Variants in SLC16A1 observed in about 807,000 individuals in gnomAD.
SLC16A1 encodes solute carrier family 16 member 1, also known as monocarboxylate transporter 1.
Under a neutral mutation model 32.2 loss-of-function variants are expected in SLC16A1, and 11 were observed. The observed-to-expected ratio is 0.34, with a 90% CI of 0.21 to 0.56. The LOEUF (loss-of-function observed/expected upper bound fraction) is 0.56. SLC16A1 is among the 20% of genes least tolerant of loss of function. SLC16A1 has a pLI of 0.87. For synonymous variants in SLC16A1, 231 were observed against 226.8 expected (o/e 1.02, Z -0.17); for missense variants, 435 against 615.0 (o/e 0.71, Z 3.10).
chr1:112,930,345 C>G (rs1649086928), intron 1 of SLC16A1, among the ~76,000 whole-genome samples: 1 of 152,036 alleles, frequency 6.6e-6, no homozygotes, highest in African/African-American at 2.4e-5. Flanking sequence ...AACCCCCACA[C>G]TTCTGGTTAC....
chr1:112,949,098 C>T (rs1282043991), intron 1 of SLC16A1, among the ~76,000 whole-genome samples: 2 of 151,908 alleles, frequency 1.3e-5, no homozygotes, highest in Non-Finnish European at 2.9e-5. Flanking sequence ...CCTTGTGATC[C>T]GCCTGCCTCG....
intron 4 of SLC16A1, 21 bp from the exon 5 acceptor site, chr1:112,914,186 A>T: frequency 6.2e-7 from 1 of 1,613,560 alleles, no homozygotes; most frequent in South Asian, 1.1e-5. Flanking sequence ...AAAACAACAC[A>T]AACAGTTGTT....
At chr1:112,935,273 G>A (rs934293998) in intron 1 of SLC16A1, among the ~76,000 whole-genome samples, 3 of 152,068 alleles carry the variant, frequency 2.0e-5, no homozygotes, top group Non-Finnish European at 4.4e-5. Flanking sequence ...AAATTAGCCA[G>A]GCATGGTGGC....
intron 1 of SLC16A1, among the ~76,000 whole-genome samples, chr1:112,929,926 T>C (rs1429410970): frequency 6.6e-6 from 1 of 152,186 alleles, no homozygotes; most frequent in Non-Finnish European, 1.5e-5. Flanking sequence ...GCAGGGAGGA[T>C]AGCATACCCC....
intron 1 of SLC16A1, among the ~76,000 whole-genome samples, chr1:112,944,994 CTTT>C (rs151186476): frequency 1.1e-4 from 14 of 123,264 alleles, no homozygotes; most frequent in Admixed American, 2.5e-4. Flanking sequence ...CACCCAGCCT[CTTT>C]TTTTTTTTTT....
chr1:112,937,477 GCCA>G (rs1419154305), intron 1 of SLC16A1, among the ~76,000 whole-genome samples: 1 of 151,988 alleles, frequency 6.6e-6, no homozygotes, highest in Non-Finnish European at 1.5e-5. Context: ...ACACAATTCT[GCCA>G]CCACCTGACA....
intron 4 of SLC16A1, among the ~76,000 whole-genome samples, chr1:112,914,492 C>G (rs1479386794): frequency 1.3e-5 from 2 of 152,186 alleles, no homozygotes; most frequent in South Asian, 2.1e-4. Context: ...CTAAAAGAGG[C>G]TTGGGAGTCT....
chr1:112,942,646 T>C (rs945843210), intron 1 of SLC16A1, among the ~76,000 whole-genome samples: 1 of 152,234 alleles, frequency 6.6e-6, no homozygotes, highest in Non-Finnish European at 1.5e-5. Flanking sequence ...AAATGTTGGC[T>C]TTCTATTTGC....
At chr1:112,936,482 A>C (rs1463987686) in intron 1 of SLC16A1, among the ~76,000 whole-genome samples, 11 of 132,210 alleles carry the variant, frequency 8.3e-5, no homozygotes, top group African/African-American at 3.6e-4. Flanking sequence ...CTCTGTCTCA[A>C]AAAAAAAAAA....
intron 2 of SLC16A1, among the ~76,000 whole-genome samples, chr1:112,927,808 A>G (rs1423939901): frequency 6.6e-6 from 1 of 152,244 alleles, no homozygotes; most frequent in African/African-American, 2.4e-5. Flanking sequence ...GCAAAACACA[A>G]GTGGCTTTCT....
intron 1 of SLC16A1, among the ~76,000 whole-genome samples, chr1:112,940,952 A>C (rs997347966): frequency 6.6e-6 from 1 of 152,096 alleles, no homozygotes; most frequent in Non-Finnish European, 1.5e-5. Flanking sequence ...TAAACCAAAT[A>C]TTTTTCTCAC....
rs779477043 is a variant in SLC16A1, at chr1:112,914,187, A to G, written c.1229-22T>C. ...CGACCTAAATATGTAAAACAACACAAACAGTTGTTTCTAAGAGTAAACAGT... is the reference window on the plus strand; with the variant it reads ...CGACCTAAATATGTAAAACAACACAGACAGTTGTTTCTAAGAGTAAACAGT... On this transcript the variant is annotated intron_variant, in intron 4 of 4. Transcript: ENST00000369626. 4 of 1,613,370 alleles carry G rather than the reference A, an allele frequency of 2.5e-6. No homozygotes were observed. The South Asian group carries it at 4.4e-5, about 18-fold the overall frequency.
At chr1:112,941,588 C>A (rs1191885482) in intron 1 of SLC16A1, among the ~76,000 whole-genome samples, 1 of 152,042 alleles carries the variant, frequency 6.6e-6, no homozygotes, top group Non-Finnish European at 1.5e-5. Flanking sequence ...TGGCCCACAT[C>A]TTCTTGTAGT....
At chr1:112,924,077 T>C (rs540352125) in intron 2 of SLC16A1, 3 of 1,292,866 alleles carry the variant, frequency 2.3e-6, no homozygotes, top group African/African-American at 1.5e-5. Flanking sequence ...ACCACTTCGA[T>C]GGCATTGCCC....
At chr1:112,924,352 G>C (rs959066353) in intron 2 of SLC16A1, 91 of 1,283,004 alleles carry the variant, frequency 7.1e-5, no homozygotes, top group Non-Finnish European at 9.4e-5. Context: ...TAGGCCCATC[G>C]TTTCTCAGGT....
intron 1 of SLC16A1, among the ~76,000 whole-genome samples, chr1:112,948,896 T>C (rs1649793981): frequency 6.6e-6 from 1 of 152,166 alleles, no homozygotes; most frequent in African/African-American, 2.4e-5. Flanking sequence ...AGTGGCGTGA[T>C]CTCCGTTCAC....
At position 112,913,821 on chromosome 1, in the gene SLC16A1, A is replaced by G; in HGVS notation, c.*70T>C. 6.4e-7 allele frequency: 1 copy of G among 1,561,466 alleles called. No individual in the cohort carries two copies. The highest frequency in any genetic ancestry group is 8.8e-7 in the Non-Finnish European group (1 of 1,133,288). ...TTGCATTGAGCACCACTGGTAGATT[A>G]CAGGCCAGTAGAATATTTTCAGATA... On this transcript the variant is annotated 3_prime_UTR_variant, in exon 5 of 5. Transcript: ENST00000369626.
chr1:112,933,307 C>T (rs962042665), intron 1 of SLC16A1, among the ~76,000 whole-genome samples: 11 of 151,992 alleles, frequency 7.2e-5, no homozygotes, highest in African/African-American at 2.7e-4. Flanking sequence ...CAAAAATTAG[C>T]TGGGTGTGGT....
At chr1:112,941,510 C>T (rs915936838) in intron 1 of SLC16A1, among the ~76,000 whole-genome samples, 1 of 152,038 alleles carries the variant, frequency 6.6e-6, no homozygotes, top group African/African-American at 2.4e-5. Context: ...CTCAAACCCC[C>T]GACCTCAGGT....
Sources: gnomAD v4.1 joint callset for allele counts (sites outside exome capture counted in the v4.1 genomes callset) on GRCh38, gnomAD v4.1.1 for gene constraint, MANE v1.5 for transcripts, NCBI Gene and HGNC (gene_info 2026-07-23, HGNC 2026-07-21) for gene names.